Variants in TRMT2B observed in about 807,000 individuals in gnomAD.
The protein encoded by TRMT2B is tRNA (uracil-5-)-methyltransferase homolog B.
TRMT2B carries 34 observed loss-of-function variants against 39.7 expected under a neutral mutation model. The ratio of observed to expected loss-of-function variants is 0.86; its 90% CI spans 0.65 to 1.14. TRMT2B has a LOEUF of 1.14. Ranked by LOEUF, TRMT2B falls within the 50% of genes most tolerant of loss-of-function variation. The pLI, the probability that TRMT2B is intolerant of heterozygous loss-of-function variation, is 0.00. For missense variants in TRMT2B, 318 were observed against 377.2 expected (o/e 0.84, Z 1.30); for synonymous variants, 132 against 137.3 (o/e 0.96, Z 0.27).
rs781103710 is a variant in TRMT2B at position 101,024,431 on chromosome X, C to A, written c.610-815G>T. ...ACATGATTGACTGGGCACAGTGGCT[C>A]AAACCTGTAATCCTAGCACTTTGGG... On this transcript the variant is annotated intron_variant, in intron 7 of 13. Coordinates refer to ENST00000372936, the MANE Select transcript of TRMT2B (RefSeq NM_024917.6). Among the ~76,000 whole-genome samples the A allele has an allele frequency of 2.7e-5, 3 of 111,970 alleles. No homozygotes were observed. The South Asian group carries it at 1.1e-3, about 42-fold the overall frequency.
At chrX:101,050,105 T>G (rs1204122281) in intron 2 of TRMT2B, among the ~76,000 whole-genome samples, 1 of 112,106 alleles carries the variant, frequency 8.9e-6, no homozygotes, top group Non-Finnish European at 1.9e-5. Flanking sequence ...TTAGACTTTT[T>G]TGTGAGTGTG....
intron 2 of TRMT2B, among the ~76,000 whole-genome samples, chrX:101,044,250 A>G (rs1164380341): frequency 4.5e-5 from 3 of 66,361 alleles, no homozygotes; most frequent in Non-Finnish European, 9.2e-5. Flanking sequence ...TCAAAAAGAG[A>G]AAAAAAAAAA....
At chrX:101,006,868 C>T (rs2086109965), downstream of TRMT2B, among the ~76,000 whole-genome samples, 1 of 110,960 alleles carries the variant, frequency 9.0e-6, no homozygotes, top group Non-Finnish European at 1.9e-5. Flanking sequence ...CAATAAAGTA[C>T]ATTTTAATTA....
At chrX:100,978,322 G>T in the TRMT2B span, among the ~76,000 whole-genome samples, 1 of 111,567 alleles carries the variant, frequency 9.0e-6, no homozygotes, top group African/African-American at 3.3e-5. Context: ...TCCAATTATT[G>T]CTGTATTGGG....
At position 101,023,520 on chromosome X, in the gene TRMT2B, G is replaced by A. The variant is rs2086897503; in HGVS notation, c.706C>T (p.Gln236Ter). ...WRELTVRTNSQGHTMAIITFH... is the reference protein window; with the variant it reads ...WRELTVRTNS ...GTGATGATAGCCATTGTGTGCCCTT[G>A]GCTATTGGTGCGGACTGTGAGCTCA... Residue 236 changes from glutamine to a stop codon, truncating the protein, a stop_gained, in exon 8 of 14, where the codon CAA (glutamine) becomes TAA (stop). Coordinates refer to ENST00000372936, the MANE Select transcript of TRMT2B (RefSeq NM_024917.6). LOFTEE classifies it high-confidence loss of function. 1 of 1,208,849 alleles carries A rather than the reference G, an allele frequency of 8.3e-7. No homozygotes were observed. Among genetic ancestry groups the A allele is most frequent in the African/African-American group, 1.7e-5 (1 of 57,278 alleles).
intron 2 of TRMT2B, among the ~76,000 whole-genome samples, chrX:101,045,406 A>T (rs1177462876): frequency 4.8e-5 from 5 of 104,947 alleles, no homozygotes; most frequent in Non-Finnish European, 5.8e-5. Flanking sequence ...GTGAGCCGAG[A>T]TCACACCATT....
At chrX:101,001,515 C>T in the TRMT2B span, among the ~76,000 whole-genome samples, 1 of 110,467 alleles carries the variant, frequency 9.1e-6, no homozygotes. Flanking sequence ...GGATTACAGG[C>T]GTGAGTCACT....
chrX:101,027,477 T>G (rs1427727176), intron 7 of TRMT2B, among the ~76,000 whole-genome samples: 1 of 109,155 alleles, frequency 9.2e-6, no homozygotes, highest in Non-Finnish European at 1.9e-5. Context: ...CTCCTGACCT[T>G]GTGATCCGCC....
the TRMT2B span, among the ~76,000 whole-genome samples, chrX:100,975,757 C>T: frequency 2.7e-5 from 3 of 109,460 alleles, no homozygotes; most frequent in Non-Finnish European, 5.7e-5. Context: ...CTCAGCCTCC[C>T]GAGTAGCTGG....
chrX:101,033,466 G>A (rs2087634188), intron 7 of TRMT2B, among the ~76,000 whole-genome samples: 1 of 108,782 alleles, frequency 9.2e-6, no homozygotes, highest in African/African-American at 3.3e-5. Context: ...GTGGTGGTGT[G>A]TGCCTGTAAT....
chrX:100,975,249 A>G, the TRMT2B span, among the ~76,000 whole-genome samples: 1 of 111,420 alleles, frequency 9.0e-6, no homozygotes, highest in Non-Finnish European at 1.9e-5. Context: ...ATGACTTGCC[A>G]TCCCCCTTTT....
chrX:100,977,552 T>C, the TRMT2B span, among the ~76,000 whole-genome samples: 2 of 110,270 alleles, frequency 1.8e-5, no homozygotes, highest in East Asian at 5.7e-4. Context: ...GGCTTATTTT[T>C]GTATTTTTAT....
At chrX:101,048,115 C>T (rs1235495675) in intron 2 of TRMT2B, among the ~76,000 whole-genome samples, 1 of 54,122 alleles carries the variant, frequency 1.8e-5, no homozygotes, top group East Asian at 3.3e-4. Flanking sequence ...TATACACATA[C>T]ACACACACAC....
intron 4 of TRMT2B, among the ~76,000 whole-genome samples, chrX:101,038,584 T>TGA (rs1316338943): frequency 8.2e-5 from 9 of 110,307 alleles, no homozygotes; most frequent in Non-Finnish European, 1.7e-4. Context: ...TCATTTTATC[T>TGA]GACCTTTCAG....
At chrX:101,050,538 A>AAC (rs1339343843) in intron 2 of TRMT2B, among the ~76,000 whole-genome samples, 1 of 109,645 alleles carries the variant, frequency 9.1e-6, no homozygotes, top group Non-Finnish European at 1.9e-5. Flanking sequence ...CAACCTGACC[A>AAC]ACATGGAGAA....
At chrX:101,008,150 T>A (rs998446355), downstream of TRMT2B, among the ~76,000 whole-genome samples, 1 of 111,475 alleles carries the variant, frequency 9.0e-6, no homozygotes, top group Non-Finnish European at 1.9e-5. Context: ...ATCTAGAAGA[T>A]ATCCAAGAGG....
downstream of TRMT2B, among the ~76,000 whole-genome samples, chrX:101,004,550 A>G (rs1467618591): frequency 1.5e-4 from 16 of 110,038 alleles, no homozygotes; most frequent in Non-Finnish European, 3.0e-4. Context: ...TGCCCAGGCT[A>G]GAGTGCAATG....
downstream of TRMT2B, among the ~76,000 whole-genome samples, chrX:101,007,503 A>T (rs901612862): frequency 9.1e-6 from 1 of 110,266 alleles, no homozygotes; most frequent in Non-Finnish European, 1.9e-5. Flanking sequence ...AAAAAGAAAA[A>T]AAATGAGCCA....
In TRMT2B at chrX:101,038,232, G is replaced by A. The variant is rs775564674; in HGVS notation, c.304-181C>T. Among the ~76,000 whole-genome samples, 354 of 107,980 alleles carry A rather than the reference G, an allele frequency of 3.3e-3. 2 individuals carry two copies. Among genetic ancestry groups the A allele is most frequent in the African/African-American group, 0.011 (336 of 29,707 alleles). The allele number at this position is 107,980 out of a possible 115,157, so 93.8% of individuals were successfully genotyped here. Reference sequence around the variant, plus strand: ...AAAATACAAAAATTAGAGGGGCGTGGTTGTGCATGCCTGTAATCCCAGCTA... The same window carrying A: ...AAAATACAAAAATTAGAGGGGCGTGATTGTGCATGCCTGTAATCCCAGCTA... On this transcript the variant is annotated intron_variant, in intron 4 of 13. Coordinates refer to ENST00000372936, the MANE Select transcript of TRMT2B (RefSeq NM_024917.6).
Sources: gnomAD v4.1 joint callset for allele counts (sites outside exome capture counted in the v4.1 genomes callset) on GRCh38, gnomAD v4.1.1 for gene constraint, MANE v1.5 for transcripts, NCBI Gene and HGNC (gene_info 2026-07-23, HGNC 2026-07-21) for gene names.